The following CD8B variants were observed in gnomAD, a reference collection of about 807,000 sequenced individuals.
CD8B encodes the protein T-cell surface glycoprotein CD8 beta chain.
CD8B carries 6 observed loss-of-function variants against 24.2 expected under a neutral mutation model. The observed-to-expected ratio is 0.25, with a 90% CI of 0.14 to 0.49. The LOEUF (loss-of-function observed/expected upper bound fraction) is 0.49. Ranked by LOEUF, CD8B falls within the 20% of genes least tolerant of loss-of-function variation. CD8B has a pLI of 0.98. For synonymous variants in CD8B, 84 were observed against 108.3 expected (o/e 0.78, Z 1.39); for missense variants, 196 against 271.3 (o/e 0.72, Z 1.95).
chr2:86,833,663 T>TCCTTCCTTCCTTCC (rs1472422283), downstream of CD8B, among the ~76,000 whole-genome samples: 1 of 118,906 alleles, frequency 8.4e-6, no homozygotes, highest in Non-Finnish European at 1.9e-5. Flanking sequence ...CTTCCTTCCT[T>TCCTTCCTTCCTTCC]TTCTTGGGGG....
Position 86,839,982 on chromosome 2 carries a change from G to A in CD8B, c.*2325C>T, listed in dbSNP as rs1675344147. ...AGCCTTGGAAGGCAGCCTGTCCCTT[G>A]TCCTCAGAGCTGATGGGCAGAGCTT... On this transcript the variant is annotated 3_prime_UTR_variant, in exon 6 of 6. Transcript: ENST00000390655. Among the ~76,000 whole-genome samples the A allele has an allele frequency of 6.6e-6, 1 of 152,194 alleles. No individual in the cohort carries two copies. The highest frequency in any genetic ancestry group is 6.5e-5 in the Admixed American group (1 of 15,282).
At chr2:86,817,375 GTAA>G (rs1674294007) in intron 5 of CD8B, among the ~76,000 whole-genome samples, 1 of 152,074 alleles carries the variant, frequency 6.6e-6, no homozygotes, top group Non-Finnish European at 1.5e-5. Context: ...TTGGAAAATT[GTAA>G]TAATAATTAT....
chr2:86,842,775 G>A (rs1675495910), intron 5 of CD8B, among the ~76,000 whole-genome samples: 1 of 152,156 alleles, frequency 6.6e-6, no homozygotes, highest in Admixed American at 6.5e-5. Flanking sequence ...CTTTTTTGAA[G>A]CCACAAACCC....
chr2:86,840,115 A>G lies in CD8B; in HGVS notation c.*2192T>C, dbSNP rs182106886. Reference sequence around the variant, plus strand: ...AGGAGAAACATCTATGTCCGGGGGCAGGGAATCTGAGGCCAATTTGTGCTG... The same window carrying G: ...AGGAGAAACATCTATGTCCGGGGGCGGGGAATCTGAGGCCAATTTGTGCTG... On this transcript the variant is annotated 3_prime_UTR_variant, in exon 6 of 6. Coordinates refer to ENST00000390655, the MANE Select transcript of CD8B (RefSeq NM_004931.5). Among the ~76,000 whole-genome samples, 165 of 152,160 alleles carry G rather than the reference A, an allele frequency of 1.1e-3. No homozygotes were observed. Among genetic ancestry groups the G allele is most frequent in the African/African-American group, 3.7e-3 (153 of 41,508 alleles).
intron 5 of CD8B, among the ~76,000 whole-genome samples, chr2:86,827,571 G>A (rs1007354824): frequency 1.3e-5 from 2 of 150,832 alleles, no homozygotes; most frequent in Non-Finnish European, 2.9e-5. Context: ...GCAGTGAGCC[G>A]AGAGGGCACC....
chr2:86,861,621 G>T (rs183618583), intron 1 of CD8B, among the ~76,000 whole-genome samples: 8 of 152,234 alleles, frequency 5.3e-5, no homozygotes, highest in Non-Finnish European at 8.8e-5. Flanking sequence ...GGGGCTCTCC[G>T]GTCCCCCGGG....
In CD8B at chr2:86,839,556, G is replaced by A. The variant is rs1488897419; in HGVS notation, c.*2751C>T. On this transcript the variant is annotated 3_prime_UTR_variant, in exon 6 of 6. Transcript: ENST00000390655. ...GGTGCTGGGTGCAGACCTTCTCACC[G>A]CAGCCCCCACCATTGGCAGCCCAGC... Among the ~76,000 whole-genome samples, 2 of 152,130 alleles carry A rather than the reference G, an allele frequency of 1.3e-5. No individual in the cohort carries two copies. Among genetic ancestry groups the A allele is most frequent in the Non-Finnish European group, 2.9e-5 (2 of 68,016 alleles).
chr2:86,831,257 G>A (rs192207022), intron 5 of CD8B, among the ~76,000 whole-genome samples: 2 of 152,086 alleles, frequency 1.3e-5, no homozygotes, highest in African/African-American at 4.8e-5. Flanking sequence ...TTGTAGAAAC[G>A]GGTTTCACCA....
At chr2:86,826,211 A>C (rs1221343932) in intron 5 of CD8B, among the ~76,000 whole-genome samples, 5 of 152,028 alleles carry the variant, frequency 3.3e-5, no homozygotes, top group African/African-American at 7.2e-5. Flanking sequence ...AGAGGAGTCC[A>C]TCTGGGCCAC....
chr2:86,844,358 G>A (rs945609454), intron 5 of CD8B, among the ~76,000 whole-genome samples: 2 of 151,464 alleles, frequency 1.3e-5, no homozygotes, highest in African/African-American at 2.4e-5. Flanking sequence ...GGTAGAAGAG[G>A]CTGGTCTTCA....
At chr2:86,834,168 T>A (rs923564237), downstream of CD8B, among the ~76,000 whole-genome samples, 1 of 152,082 alleles carries the variant, frequency 6.6e-6, no homozygotes, top group Non-Finnish European at 1.5e-5. Flanking sequence ...TGAGTGACAG[T>A]CCCTAATTCA....
At chr2:86,815,516 C>G (rs941922936), downstream of CD8B, 59 of 816,980 alleles carry the variant, frequency 7.2e-5, no homozygotes, top group Non-Finnish European at 1.1e-4. Context: ...GCAGAGAAGT[C>G]TCTGCTGGGT....
At chr2:86,836,727 C>G (rs1419079231), downstream of CD8B, among the ~76,000 whole-genome samples, 1 of 152,200 alleles carries the variant, frequency 6.6e-6, no homozygotes, top group African/African-American at 2.4e-5. Context: ...GATGGCGCCA[C>G]TGCACACTAG....
At chr2:86,821,806 A>G (rs928131196) in intron 5 of CD8B, 49 of 378,006 alleles carry the variant, frequency 1.3e-4, no homozygotes, top group Non-Finnish European at 2.4e-4. Flanking sequence ...TCCTCTCCAA[A>G]GGGAATGTTC....
At chr2:86,846,489 C>T (rs2104551584) in intron 4 of CD8B, among the ~76,000 whole-genome samples, 195 bp downstream of exon 4, 1 of 152,316 alleles carries the variant, frequency 6.6e-6, no homozygotes, top group Middle Eastern at 3.4e-3. Context: ...GTTTGCCTGA[C>T]TCCAGGGACA....
At chr2:86,859,819 A>G (rs1676475746) in intron 1 of CD8B, among the ~76,000 whole-genome samples, 1 of 151,918 alleles carries the variant, frequency 6.6e-6, no homozygotes, top group Admixed American at 6.6e-5. Flanking sequence ...TGTGCCCAAG[A>G]GGAGCCAGCT....
intron 1 of CD8B, among the ~76,000 whole-genome samples, chr2:86,861,431 AG>A (rs1676585638): frequency 6.6e-6 from 1 of 152,040 alleles, no homozygotes; most frequent in Non-Finnish European, 1.5e-5. Flanking sequence ...ATGTGTCCAC[AG>A]GACCCATGGC....
intron 5 of CD8B, chr2:86,844,710 A>G (rs1675588617): frequency 7.4e-6 from 11 of 1,494,900 alleles, no homozygotes; most frequent in Non-Finnish European, 1.0e-5. Context: ...TGGTACCATC[A>G]TAGCTCACTG....
intron 5 of CD8B, chr2:86,822,175 A>G (rs955021150): frequency 1.4e-5 from 8 of 554,410 alleles, no homozygotes; most frequent in African/African-American, 7.7e-5. Flanking sequence ...AAGTGCTGCA[A>G]TCTTCTAACA....
Sources: gnomAD v4.1 joint callset for allele counts (sites outside exome capture counted in the v4.1 genomes callset) on GRCh38, gnomAD v4.1.1 for gene constraint, MANE v1.5 for transcripts, NCBI Gene and HGNC (gene_info 2026-07-23, HGNC 2026-07-21) for gene names.